Variants in TAS1R1 observed in about 807,000 individuals in gnomAD.
TAS1R1 encodes the protein taste receptor type 1 member 1.
In TAS1R1, 31 loss-of-function variants were observed where a neutral mutation model predicts 45.8. That is an observed-to-expected ratio of 0.68 (90% CI 0.51 to 0.91). The LOEUF (loss-of-function observed/expected upper bound fraction) is 0.91, where lower values mean the gene tolerates loss of function less well. TAS1R1 is among the 40% of genes least tolerant of loss of function. The pLI, the probability that TAS1R1 is intolerant of heterozygous loss-of-function variation, is 0.00. For missense variants in TAS1R1, 1,051 were observed against 1,063.9 expected (o/e 0.99, Z 0.17); for synonymous variants, 437 against 448.4 (o/e 0.97, Z 0.32).
At position 6,574,947 on chromosome 1, in the gene TAS1R1, T is replaced by C; in HGVS notation, c.815T>C (p.Val272Ala). 1 of 1,609,868 alleles carries C rather than the reference T, an allele frequency of 6.2e-7. No homozygotes were observed. The highest frequency in any genetic ancestry group is 1.1e-5 in the South Asian group (1 of 90,956). Residue 272 changes from valine (V) to alanine (A), a missense_variant, in exon 3 of 6, where the codon GTT becomes GCT. By Grantham distance (64) the Val-to-Ala change is moderately conservative (BLOSUM62 0). Transcript: ENST00000333172. The surrounding 1 kb of genome is among the most constrained non-coding windows in gnomAD (Gnocchi z 4.3). Reference sequence around the variant, plus strand: ...GCCCAGGCCGGGGCCACCGTCGTGGTTGTTTTTTCCAGCCGGCAGTTGGCC... The same window carrying C: ...GCCCAGGCCGGGGCCACCGTCGTGGCTGTTTTTTCCAGCCGGCAGTTGGCC... ...HLAQAGATVVVVFSSRQLARV... is the reference protein window; with the variant it reads ...HLAQAGATVVAVFSSRQLARV...
In TAS1R1 at chr1:6,558,611, T is replaced by C. The variant is rs145131914; in HGVS notation, c.191+3047T>C. Among the ~76,000 whole-genome samples the C allele has an allele frequency of 9.6e-3, 1,454 of 152,080 alleles. 23 individuals are homozygous for C. Among genetic ancestry groups the C allele is most frequent in the African/African-American group, 0.033 (1,380 of 41,510 alleles). On this transcript the variant is annotated intron_variant, in intron 1 of 5. Transcript: ENST00000333172. ...GGCTGGTGCCTGTAATCCTGGCTAC[T>C]TGGGAGGCTGAGGCACAAGAATCAC... is the stretch of plus-strand genomic sequence containing the variant.
chr1:6,567,508 C>T (rs991520675), intron 1 of TAS1R1, among the ~76,000 whole-genome samples: 1 of 150,256 alleles, frequency 6.7e-6, no homozygotes, highest in Non-Finnish European at 1.5e-5. Flanking sequence ...TGCAGTGAGC[C>T]GAGATTGCGC....
At position 6,555,546 on chromosome 1, in the gene TAS1R1, A is replaced by C; in HGVS notation, c.173A>C (p.Glu58Ala). Residue 58 changes from glutamate (E) to alanine (A), a missense_variant, in exon 1 of 6, where the codon GAG becomes GCG. Glu to Ala is a moderately radical substitution (Grantham distance 107). Coordinates refer to ENST00000333172, the MANE Select transcript of TAS1R1 (RefSeq NM_138697.4). The stretch of plus-strand genomic sequence containing the variant: ...TGTCTGCAGGTGAGGCACAGACCCG[A>C]GGTGACCCTGTGTGACAGGTGAGTG... ...SGCLQVRHRP[E>A]VTLCDRSCSF... The C allele has an allele frequency of 6.4e-7, 1 of 1,551,528 alleles. No homozygotes were observed. Among genetic ancestry groups the C allele is most frequent in the South Asian group, 1.2e-5 (1 of 84,168 alleles).
At chr1:6,558,675 G>A (rs947945238) in intron 1 of TAS1R1, among the ~76,000 whole-genome samples, 8 of 151,576 alleles carry the variant, frequency 5.3e-5, no homozygotes, top group African/African-American at 1.7e-4. Flanking sequence ...AGCCGAGATC[G>A]TGCACTCCAG....
intron 2 of TAS1R1, among the ~76,000 whole-genome samples, chr1:6,573,505 C>T (rs1570126395): frequency 6.6e-6 from 1 of 152,098 alleles, no homozygotes; most frequent in Non-Finnish European, 1.5e-5. Flanking sequence ...TCTCTGCGGA[C>T]ATCCTTAGGG....
At chr1:6,561,439 C>T (rs1470807225) in intron 1 of TAS1R1, among the ~76,000 whole-genome samples, 5 of 152,098 alleles carry the variant, frequency 3.3e-5, no homozygotes, top group African/African-American at 7.2e-5. Flanking sequence ...GGGCCGGGCA[C>T]GGTAGCTCAT....
At chr1:6,567,660 C>T (rs1298624638) in intron 1 of TAS1R1, among the ~76,000 whole-genome samples, 1 of 151,858 alleles carries the variant, frequency 6.6e-6, no homozygotes, top group African/African-American at 2.4e-5. Flanking sequence ...GGGCCTGGGG[C>T]CCTGGGCCTC....
At chr1:6,571,780 A>C (rs931878668) in intron 2 of TAS1R1, among the ~76,000 whole-genome samples, 1 of 152,014 alleles carries the variant, frequency 6.6e-6, no homozygotes, top group Non-Finnish European at 1.5e-5. Context: ...AGATTGCACC[A>C]CTGCATTCCA....
At chr1:6,570,876 T>G (rs1639991390) in intron 1 of TAS1R1, 33 bp from the exon 2 acceptor site, 1 of 1,563,036 alleles carries the variant, frequency 6.4e-7, no homozygotes, top group Non-Finnish European at 8.7e-7. Context: ...GCCTTTGTCC[T>G]TCTCAGCTGT....
intron 1 of TAS1R1, among the ~76,000 whole-genome samples, chr1:6,564,507 A>G (rs1253552064): frequency 1.3e-5 from 2 of 152,162 alleles, no homozygotes; most frequent in Admixed American, 1.3e-4. Context: ...GGCTATGGGC[A>G]GAAGGGAGGT....
chr1:6,579,680 G>A lies in TAS1R1; in HGVS notation c.*96G>A. 1 of 1,482,742 alleles carries A rather than the reference G, an allele frequency of 6.7e-7. No homozygotes were observed. Among genetic ancestry groups the A allele is most frequent in the East Asian group, 2.3e-5 (1 of 42,852 alleles). 91.8% of individuals were successfully genotyped at this position (1,482,742 alleles called of 1,614,324 possible). ...GTCCGGGAGGTCTTTGGGCATCGCGGTCTGGGGTTGGGACGTGTAAGCGCC... is the reference window on the plus strand; with the variant it reads ...GTCCGGGAGGTCTTTGGGCATCGCGATCTGGGGTTGGGACGTGTAAGCGCC... On this transcript the variant is annotated 3_prime_UTR_variant, in exon 6 of 6. Coordinates refer to ENST00000333172, the MANE Select transcript of TAS1R1 (RefSeq NM_138697.4).
chr1:6,568,570 C>CT (rs1216850667), intron 1 of TAS1R1, among the ~76,000 whole-genome samples: 1 of 151,858 alleles, frequency 6.6e-6, no homozygotes, highest in Non-Finnish European at 1.5e-5. Context: ...GGATTTTCGT[C>CT]TGCCTTTTGG....
chr1:6,571,397 C>T (rs1640012510), intron 2 of TAS1R1, among the ~76,000 whole-genome samples, 182 bp downstream of exon 2: 1 of 152,208 alleles, frequency 6.6e-6, no homozygotes, highest in African/African-American at 2.4e-5. Flanking sequence ...GCCTTCCTCT[C>T]TTTCCAGAGC....
At chr1:6,560,525 A>G (rs1276396476) in intron 1 of TAS1R1, among the ~76,000 whole-genome samples, 3 of 152,174 alleles carry the variant, frequency 2.0e-5, no homozygotes, top group East Asian at 1.9e-4. Flanking sequence ...GCCTTGGCGG[A>G]GGGCCTGCAG....
intron 3 of TAS1R1, 53 bp downstream of exon 3, chr1:6,575,445 A>G (rs1640142765): frequency 2.0e-6 from 3 of 1,502,944 alleles, no homozygotes; most frequent in South Asian, 2.7e-5. Context: ...CAATCCTGAG[A>G]TGAGCAGAGT....
chr1:6,560,000 A>C (rs1242136395), intron 1 of TAS1R1, among the ~76,000 whole-genome samples: 2 of 15,618 alleles, frequency 1.3e-4, no homozygotes, highest in East Asian at 5.4e-3. Flanking sequence ...CTCTGTCTCA[A>C]AAAAAAAAAA....
chr1:6,559,020 T>C (rs1277536311), intron 1 of TAS1R1, among the ~76,000 whole-genome samples: 1 of 151,800 alleles, frequency 6.6e-6, no homozygotes, highest in African/African-American at 2.4e-5. Flanking sequence ...GCCTCCGGAA[T>C]ACCTGGGACT....
chr1:6,574,523 G>A lies in TAS1R1; in HGVS notation c.499-108G>A. The A allele has an allele frequency of 7.4e-7, 1 of 1,354,026 alleles. No individual in the cohort carries two copies. The highest frequency in any genetic ancestry group is 1.9e-4 in the Middle Eastern group (1 of 5,144). 83.9% of individuals were successfully genotyped at this position (1,354,026 alleles called of 1,614,324 possible). ...ATTTGTCAGTTTCACAGGCTGAGGG[G>A]TGCTCTCCTGGTCTCCCCGGCTCCC... is the stretch of plus-strand genomic sequence containing the variant. On this transcript the variant is annotated intron_variant, in intron 2 of 5. Transcript: ENST00000333172. This position sits in a 1 kb window ranked among gnomAD's most constrained non-coding sequence, Gnocchi z 4.3.
At chr1:6,564,917 G>C (rs537932932) in intron 1 of TAS1R1, among the ~76,000 whole-genome samples, 1 of 151,896 alleles carries the variant, frequency 6.6e-6, no homozygotes, top group South Asian at 2.1e-4. Context: ...GTGTAGGGAT[G>C]GGGGGAGCGG....
Sources: allele counts gnomAD v4.1 joint callset (sites outside exome capture counted in the v4.1 genomes callset), GRCh38; gene constraint gnomAD v4.1.1; non-coding constraint Gnocchi (gnomAD v3.1); transcripts MANE v1.5; gene names NCBI Gene and HGNC (gene_info 2026-07-23, HGNC 2026-07-21).